Variants in CDC42BPB observed in about 807,000 individuals in gnomAD.
CDC42BPB encodes the protein serine/threonine-protein kinase MRCK beta.
A neutral mutation model predicts 214.9 loss-of-function variants in CDC42BPB; 37 were observed. The ratio of observed to expected loss-of-function variants is 0.17; its 90% CI spans 0.13 to 0.23. The LOEUF (loss-of-function observed/expected upper bound fraction) is 0.23, where lower values mean the gene tolerates loss of function less well. Ranked by LOEUF, CDC42BPB falls within the 10% of genes least tolerant of loss-of-function variation. The probability of loss-of-function intolerance (pLI) is 1.00; values close to 1 mark genes in which losing one functional copy is unlikely to be tolerated. For missense variants in CDC42BPB, 1,694 were observed against 2,227.0 expected, an observed-to-expected ratio of 0.76 and a Z score of 4.82; for synonymous variants, 931 against 884.0, an observed-to-expected ratio of 1.05 and a Z score of -0.94.
At position 102,938,416 on chromosome 14, in the gene CDC42BPB, G is replaced by T; in HGVS notation, c.4828-5C>A. ...CTGGGAGGGGGGCACAGCACTCTGGGCAGAAATAGCAACACGTGAGCATGC... is the reference window on the plus strand; with the variant it reads ...CTGGGAGGGGGGCACAGCACTCTGGTCAGAAATAGCAACACGTGAGCATGC... On this transcript the variant is annotated splice_polypyrimidine_tract_variant and splice_region_variant and intron_variant, in intron 34 of 36. Transcript: ENST00000361246. The T allele has an allele frequency of 6.5e-7, 1 of 1,528,750 alleles. No homozygotes were observed. The highest frequency in any genetic ancestry group is 1.3e-5 in the South Asian group (1 of 76,022). The allele number at this position is 1,528,750 out of a possible 1,614,324, so 94.7% of individuals were successfully genotyped here.
At chr14:102,959,608 T>G (rs768828891) in intron 21 of CDC42BPB, 23 bp downstream of exon 21, 2 of 1,541,648 alleles carry the variant, frequency 1.3e-6, no homozygotes, top group South Asian at 2.4e-5. Context: ...CATCTGTCAC[T>G]TAAAAAAAAA....
chr14:103,031,783 G>A (rs181224936), intron 1 of CDC42BPB, among the ~76,000 whole-genome samples: 1 of 152,108 alleles, frequency 6.6e-6, no homozygotes, highest in Non-Finnish European at 1.5e-5. Flanking sequence ...GCTGGATTCC[G>A]GAAACCAACT....
intron 5 of CDC42BPB, among the ~76,000 whole-genome samples, chr14:102,990,378 T>G (rs1894438233): frequency 6.6e-6 from 1 of 152,240 alleles, no homozygotes; most frequent in South Asian, 2.1e-4. Context: ...CGGGCAGGTT[T>G]GCTTCTGTGG....
chr14:102,994,128 G>T (rs1376768513), intron 5 of CDC42BPB, among the ~76,000 whole-genome samples: 1 of 152,172 alleles, frequency 6.6e-6, no homozygotes, highest in Non-Finnish European at 1.5e-5. Flanking sequence ...GACCGAGTTA[G>T]CAGGAATGCA....
intron 1 of CDC42BPB, among the ~76,000 whole-genome samples, chr14:103,054,576 T>G (rs556677494): frequency 6.6e-6 from 1 of 152,364 alleles, no homozygotes; most frequent in South Asian, 2.1e-4. Context: ...AAATACTAAC[T>G]GCACACATGT....
Position 102,973,988 on chromosome 14 carries a change from C to G in CDC42BPB, c.1641+28G>C, listed in dbSNP as rs201744611. ...CAGAATTCTGCAAAGTCCCGTAAGCCTTTCTCACCCCAAACTGAGCCACCT... is the reference window on the plus strand; with the variant it reads ...CAGAATTCTGCAAAGTCCCGTAAGCGTTTCTCACCCCAAACTGAGCCACCT... On this transcript the variant is annotated intron_variant, in intron 12 of 36. Transcript: ENST00000361246. The G allele has an allele frequency of 8.8e-6, 14 of 1,584,218 alleles. No homozygotes were observed. The South Asian group carries it at 1.4e-4, about 15-fold the overall frequency.
chr14:102,954,519 A>G, intron 22 of CDC42BPB, 83 bp downstream of exon 22: 1 of 1,423,230 alleles, frequency 7.0e-7, no homozygotes, highest in Non-Finnish European at 9.6e-7. Flanking sequence ...ACTGTTATGC[A>G]GGGGCCAGGT....
intron 1 of CDC42BPB, among the ~76,000 whole-genome samples, chr14:103,020,567 C>T (rs1440837831): frequency 1.3e-5 from 2 of 152,210 alleles, no homozygotes; most frequent in East Asian, 1.9e-4. Flanking sequence ...CACACTGACG[C>T]GCTATGCATC....
At chr14:102,937,284 G>C (rs1378674182) in intron 36 of CDC42BPB, 2 of 152,568 alleles carry the variant, frequency 1.3e-5, no homozygotes, top group African/African-American at 2.4e-5. Context: ...ACCAGACAAA[G>C]ACAGGCTGGG....
Position 103,004,280 on chromosome 14 carries a change from G to A in CDC42BPB, c.352-257C>T. 1 of 887,362 alleles carries A rather than the reference G, an allele frequency of 1.1e-6. No homozygotes were observed. Among genetic ancestry groups the A allele is most frequent in the East Asian group, 4.7e-5 (1 of 21,470 alleles). 55.0% of individuals were successfully genotyped at this position (887,362 alleles called of 1,614,324 possible). ...CTGTCCCACGGGCACCATTTCTGTGGCTGACACTTAGATTCACCCCACCCT... is the reference window on the plus strand; with the variant it reads ...CTGTCCCACGGGCACCATTTCTGTGACTGACACTTAGATTCACCCCACCCT... On this transcript the variant is annotated intron_variant, in intron 3 of 36. Coordinates refer to ENST00000361246, the MANE Select transcript of CDC42BPB (RefSeq NM_006035.4). This position sits in a 1 kb window ranked among gnomAD's most constrained non-coding sequence, Gnocchi z 5.3.
intron 1 of CDC42BPB, among the ~76,000 whole-genome samples, chr14:103,019,232 C>T (rs796154433): frequency 3.3e-5 from 5 of 152,294 alleles, no homozygotes; most frequent in African/African-American, 1.2e-4. Context: ...CCACACCTGG[C>T]CATCCTGAAA....
chr14:102,999,545 A>C lies in CDC42BPB; in HGVS notation c.596+20T>G, dbSNP rs1437003356. ...AACAATTAAACGTGGTTTCCATAAA[A>C]TATATCAGAAGCCGGTTACCTGTGC... On this transcript the variant is annotated intron_variant, in intron 5 of 36. Coordinates refer to ENST00000361246, the MANE Select transcript of CDC42BPB (RefSeq NM_006035.4). 4 of 1,612,638 alleles carry C rather than the reference A, an allele frequency of 2.5e-6. No homozygotes were observed. The highest frequency in any genetic ancestry group is 3.4e-6 in the Non-Finnish European group (4 of 1,178,874).
chr14:102,985,140 G>A (rs1053602882), intron 6 of CDC42BPB, among the ~76,000 whole-genome samples: 2 of 151,528 alleles, frequency 1.3e-5, no homozygotes, highest in African/African-American at 2.4e-5. Context: ...GTGACAGGGT[G>A]GTGTGGAGGT....
chr14:103,026,785 G>A (rs1373592870), intron 1 of CDC42BPB, among the ~76,000 whole-genome samples: 4 of 151,792 alleles, frequency 2.6e-5, no homozygotes, highest in South Asian at 2.1e-4. Flanking sequence ...GGAGAATGGC[G>A]TGAACCCGGG....
chr14:103,018,169 T>A (rs1886573113), intron 1 of CDC42BPB, among the ~76,000 whole-genome samples: 1 of 152,146 alleles, frequency 6.6e-6, no homozygotes, highest in South Asian at 2.1e-4. Flanking sequence ...GCCACGCTGA[T>A]CTGACCGGAG....
At chr14:102,982,589 T>G (rs1894052961) in intron 7 of CDC42BPB, among the ~76,000 whole-genome samples, 1 of 152,170 alleles carries the variant, frequency 6.6e-6, no homozygotes, top group African/African-American at 2.4e-5. Context: ...GCTAACATGG[T>G]GAAACCCTGT....
At chr14:102,952,628 T>C (rs1456384842) in intron 23 of CDC42BPB, 25 bp from the exon 24 acceptor site, 21 of 1,605,528 alleles carry the variant, frequency 1.3e-5, no homozygotes, top group Non-Finnish European at 1.7e-5. Flanking sequence ...TCAAGAACAC[T>C]GAGGTGAACC....
At position 102,974,281 on chromosome 14, in the gene CDC42BPB, T is replaced by TACACACACACAC. The variant is rs71119749; in HGVS notation, c.1508-144_1508-133dup. On this transcript the variant is annotated intron_variant, in intron 11 of 36. Coordinates refer to ENST00000361246, the MANE Select transcript of CDC42BPB (RefSeq NM_006035.4). ...TTTTTCATTCAGAGGTTTTTTTACT[T>TACACACACACAC]ACACACACACACACACACACACACA... is the stretch of plus-strand genomic sequence containing the variant. The TACACACACACAC allele has an allele frequency of 9.8e-4, 1,290 of 1,315,868 alleles. 8 individuals carry two copies. In the African/African-American group the frequency reaches 0.011, roughly 11 times the overall value. The allele number at this position is 1,315,868 out of a possible 1,614,324, so 81.5% of individuals were successfully genotyped here. A position where few individuals can be genotyped will look rare whatever the true frequency, so the allele number is the denominator to read the frequency against.
intron 1 of CDC42BPB, among the ~76,000 whole-genome samples, chr14:103,039,793 A>G (rs1213023177): frequency 6.6e-6 from 1 of 152,144 alleles, no homozygotes; most frequent in Non-Finnish European, 1.5e-5. Context: ...AAAGAAATTA[A>G]AGGTATCCAA....
Sources: allele counts gnomAD v4.1 joint callset (sites outside exome capture counted in the v4.1 genomes callset), GRCh38; gene constraint gnomAD v4.1.1; non-coding constraint Gnocchi (gnomAD v3.1); transcripts MANE v1.5; gene names NCBI Gene and HGNC (gene_info 2026-07-23, HGNC 2026-07-21).